Variants in EXOC2 observed in about 807,000 individuals in gnomAD.
EXOC2 encodes the protein exocyst complex component 2, also known as SEC5-like 1.
EXOC2 carries 70 observed loss-of-function variants against 131.8 expected under a neutral mutation model. The ratio of observed to expected loss-of-function variants is 0.53; its 90% confidence interval spans 0.44 to 0.65. EXOC2 has a LOEUF of 0.65. Ranked by LOEUF, EXOC2 falls within the 30% of genes least tolerant of loss-of-function variation. The probability of loss-of-function intolerance (pLI) is 0.00; values close to 1 mark genes in which losing one functional copy is unlikely to be tolerated. For missense variants in EXOC2, 923 were observed against 1,108.6 expected (o/e 0.83, Z 2.38); for synonymous variants, 411 against 398.4 (o/e 1.03, Z -0.38).
At chr6:533,987 G>T (rs1277799471) in intron 22 of EXOC2, among the ~76,000 whole-genome samples, 1 of 152,130 alleles carries the variant, frequency 6.6e-6, no homozygotes, top group African/African-American at 2.4e-5. Flanking sequence ...AAAAAAGAAA[G>T]AAAACCCTCA....
At chr6:620,405 T>C (rs1262670820) in intron 4 of EXOC2, among the ~76,000 whole-genome samples, 2 of 152,152 alleles carry the variant, frequency 1.3e-5, no homozygotes, top group African/African-American at 4.8e-5. Context: ...GACTATACTG[T>C]CTCGCATGTT....
At chr6:642,211 G>A (rs1485533124) in intron 1 of EXOC2, among the ~76,000 whole-genome samples, 6 of 152,132 alleles carry the variant, frequency 3.9e-5, no homozygotes, top group Admixed American at 3.9e-4. Context: ...TAGTCTCCCT[G>A]ATCCCTCCTT....
intron 25 of EXOC2, 96 bp downstream of exon 25, chr6:497,271 A>T (rs2127477084): frequency 4.4e-6 from 5 of 1,141,508 alleles, no homozygotes; most frequent in African/African-American, 1.5e-5. Context: ...GATCCATTAA[A>T]AGAAGCCTGT....
intron 11 of EXOC2, among the ~76,000 whole-genome samples, chr6:585,655 TC>T (rs1759168022): frequency 6.6e-6 from 1 of 152,182 alleles, no homozygotes; most frequent in Admixed American, 6.5e-5. Context: ...AACATTTTTT[TC>T]CCAAACCACC....
chr6:617,252 G>A (rs929504386), intron 6 of EXOC2, among the ~76,000 whole-genome samples: 4 of 152,096 alleles, frequency 2.6e-5, no homozygotes, highest in Admixed American at 1.3e-4. Context: ...TCCATACAAC[G>A]TCCCTCCCAT....
At position 615,216 on chromosome 6, in the gene EXOC2, T is replaced by G. The variant is rs556755409; in HGVS notation, c.661+2495A>C. Among the ~76,000 whole-genome samples the G allele has an allele frequency of 2.0e-5, 3 of 152,016 alleles. No individual in the cohort carries two copies. In the South Asian group the frequency reaches 6.2e-4, roughly 32 times the overall value. On this transcript the variant is annotated intron_variant, in intron 6 of 27. Coordinates refer to ENST00000230449, the MANE Select transcript of EXOC2 (RefSeq NM_018303.6). ...GTGTGTGTGTGTGTGTGTGTATGTA[T>G]GTGTATACATACATATTTATCTATC...
chr6:543,229 T>C (rs1251901295), intron 22 of EXOC2, among the ~76,000 whole-genome samples: 4 of 152,198 alleles, frequency 2.6e-5, no homozygotes, highest in African/African-American at 9.6e-5. Flanking sequence ...TTCCCAGTAA[T>C]GGATGAATGA....
intron 25 of EXOC2, among the ~76,000 whole-genome samples, chr6:496,680 G>C (rs572864949): frequency 6.6e-6 from 1 of 152,018 alleles, no homozygotes; most frequent in African/African-American, 2.4e-5. Flanking sequence ...ACCAATGGTC[G>C]TTCTCTGGTG....
chr6:489,724 T>C (rs761878428), intron 26 of EXOC2, among the ~76,000 whole-genome samples: 7 of 152,248 alleles, frequency 4.6e-5, no homozygotes, highest in Non-Finnish European at 7.3e-5. Context: ...AACAGTTCTT[T>C]TATCTCTCTT....
At chr6:598,593 A>C (rs1759950885) in intron 9 of EXOC2, among the ~76,000 whole-genome samples, 1 of 152,242 alleles carries the variant, frequency 6.6e-6, no homozygotes, top group Non-Finnish European at 1.5e-5. Flanking sequence ...GATTCCTTCC[A>C]GTAAACTAAG....
intron 23 of EXOC2, among the ~76,000 whole-genome samples, chr6:504,586 G>A (rs1764421703): frequency 6.6e-6 from 1 of 152,132 alleles, no homozygotes; most frequent in Non-Finnish European, 1.5e-5. Flanking sequence ...AGTTTATTGA[G>A]GTGACAGAAA....
chr6:569,798 C>T (rs1758168926), intron 13 of EXOC2, among the ~76,000 whole-genome samples: 2 of 152,324 alleles, frequency 1.3e-5, no homozygotes, highest in South Asian at 2.1e-4. Context: ...TAGGCATATC[C>T]AATTCAGCAC....
chr6:494,166 G>A (rs1050321461), intron 25 of EXOC2, among the ~76,000 whole-genome samples: 1 of 152,174 alleles, frequency 6.6e-6, no homozygotes, highest in East Asian at 1.9e-4. Flanking sequence ...AAAACTGGTG[G>A]CAAATGGAAA....
At chr6:526,255 A>G (rs1024195538) in intron 23 of EXOC2, among the ~76,000 whole-genome samples, 3 of 152,206 alleles carry the variant, frequency 2.0e-5, no homozygotes, top group African/African-American at 7.2e-5. Flanking sequence ...CAAGCTTTAC[A>G]GTATCTGTCA....
chr6:521,421 T>C (rs1362829120), intron 23 of EXOC2, among the ~76,000 whole-genome samples: 1 of 152,218 alleles, frequency 6.6e-6, no homozygotes, highest in African/African-American at 2.4e-5. Context: ...ATGTTCATGA[T>C]GGTAGCCTTA....
chr6:678,203 C>T (rs753148555), intron 1 of EXOC2, among the ~76,000 whole-genome samples: 5 of 152,272 alleles, frequency 3.3e-5, no homozygotes, highest in Middle Eastern at 3.4e-3. Flanking sequence ...ACTTGTTCAG[C>T]CATGGAGAGG....
intron 22 of EXOC2, among the ~76,000 whole-genome samples, chr6:534,043 A>G (rs1379002529): frequency 6.6e-6 from 1 of 152,236 alleles, no homozygotes; most frequent in Non-Finnish European, 1.5e-5. Flanking sequence ...GAGGTGAAAC[A>G]TACAACTTCC....
At chr6:499,045 C>T (rs1199477050) in intron 24 of EXOC2, among the ~76,000 whole-genome samples, 2 of 152,190 alleles carry the variant, frequency 1.3e-5, no homozygotes, top group Non-Finnish European at 2.9e-5. Context: ...AGGATGTTCA[C>T]TGAGGATGTT....
At chr6:566,290 G>A (rs565572806) in intron 13 of EXOC2, among the ~76,000 whole-genome samples, 28 of 152,292 alleles carry the variant, frequency 1.8e-4, no homozygotes, top group African/African-American at 6.0e-4. Flanking sequence ...GGTGAGTGCT[G>A]TGAGGCCTAC....
Sources: gnomAD v4.1 joint callset for allele counts (sites outside exome capture counted in the v4.1 genomes callset) on GRCh38, gnomAD v4.1.1 for gene constraint, MANE v1.5 for transcripts, NCBI Gene and HGNC (gene_info 2026-07-23, HGNC 2026-07-21) for gene names.